SLC71A2: variants seen among roughly 807,000 people sequenced by gnomAD.
SLC71A2 encodes the protein solute carrier family 71 member 2.
At chr9:94,425,204 T>G in the SLC71A2 span, among the ~76,000 whole-genome samples, 334 of 152,140 alleles carry the variant, frequency 2.2e-3, 4 homozygotes, top group African/African-American at 7.4e-3. Flanking sequence ...CTCGGGAGGT[T>G]GAGGCAGGAG....
At chr9:94,436,698 C>T in the SLC71A2 span, among the ~76,000 whole-genome samples, 1 of 152,082 alleles carries the variant, frequency 6.6e-6, no homozygotes, top group Non-Finnish European at 1.5e-5. Context: ...AGTCCCTCCT[C>T]TTATCAGTTT....
the SLC71A2 span, among the ~76,000 whole-genome samples, chr9:94,416,604 C>G: frequency 6.6e-6 from 1 of 152,140 alleles, no homozygotes; most frequent in African/African-American, 2.4e-5. Context: ...CCTGTAATCC[C>G]AGCACTTTTG....
At chr9:94,457,312 C>G in the SLC71A2 span, among the ~76,000 whole-genome samples, 5 of 152,116 alleles carry the variant, frequency 3.3e-5, no homozygotes, top group Admixed American at 2.6e-4. Context: ...CTTTCCTTCT[C>G]TATCTCCTAA....
chr9:94,453,219 G>A, the SLC71A2 span, among the ~76,000 whole-genome samples: 48 of 146,836 alleles, frequency 3.3e-4, 1 homozygote, highest in East Asian at 6.4e-3. Flanking sequence ...GTATGATTTC[G>A]GCTCACTGCA....
chr9:94,411,096 T>C, the SLC71A2 span, among the ~76,000 whole-genome samples: 1 of 151,856 alleles, frequency 6.6e-6, no homozygotes, highest in Admixed American at 6.6e-5. Flanking sequence ...AGGACAGGTA[T>C]CCTCCAGAAT....
chr9:94,395,660 TAG>T, the SLC71A2 span, among the ~76,000 whole-genome samples: 6 of 152,308 alleles, frequency 3.9e-5, no homozygotes, highest in East Asian at 7.7e-4. Context: ...ATGCGTCCCT[TAG>T]AGAGTGAAAA....
chr9:94,402,191 C>T, the SLC71A2 span, among the ~76,000 whole-genome samples: 2 of 152,170 alleles, frequency 1.3e-5, no homozygotes, highest in Non-Finnish European at 2.9e-5. Flanking sequence ...GGGAATACAG[C>T]CCAGTAGGTT....
At chr9:94,430,221 TA>T in the SLC71A2 span, among the ~76,000 whole-genome samples, 1,544 of 136,520 alleles carry the variant, frequency 0.011, 30 homozygotes, top group African/African-American at 0.045. Flanking sequence ...TTCTTTTAAA[TA>T]ATTTTTTTTT....
At chr9:94,402,030 A>G in the SLC71A2 span, among the ~76,000 whole-genome samples, 1 of 152,312 alleles carries the variant, frequency 6.6e-6, no homozygotes, top group African/African-American at 2.4e-5. Context: ...TATAGCAGTG[A>G]CGATGACCAG....
chr9:94,436,775 C>T, the SLC71A2 span, among the ~76,000 whole-genome samples: 8 of 152,260 alleles, frequency 5.3e-5, no homozygotes, highest in Admixed American at 1.3e-4. Context: ...GTTCCTTTTT[C>T]TTTCCAATTA....
At chr9:94,398,373 C>T in the SLC71A2 span, among the ~76,000 whole-genome samples, 3 of 151,948 alleles carry the variant, frequency 2.0e-5, no homozygotes, top group South Asian at 4.2e-4. Flanking sequence ...GAAATTATCA[C>T]CAGGCCAACT....
At chr9:94,434,075 T>C in the SLC71A2 span, among the ~76,000 whole-genome samples, 11 of 152,148 alleles carry the variant, frequency 7.2e-5, no homozygotes, top group African/African-American at 2.4e-4. Flanking sequence ...CTTTTGTTGC[T>C]GTTGTTGAAG....
chr9:94,387,669 A>G, the SLC71A2 span, among the ~76,000 whole-genome samples: 2 of 152,126 alleles, frequency 1.3e-5, no homozygotes, highest in African/African-American at 2.4e-5. Flanking sequence ...TTTTTATTTG[A>G]CAGCTTAGTT....
chr9:94,400,568 GAA>G, the SLC71A2 span, among the ~76,000 whole-genome samples: 3 of 136,998 alleles, frequency 2.2e-5, no homozygotes, highest in East Asian at 4.2e-4. Context: ...GCTTCCAAAT[GAA>G]AAAAAAAAAA....
chr9:94,427,845 C>T, the SLC71A2 span, among the ~76,000 whole-genome samples: 3 of 144,594 alleles, frequency 2.1e-5, no homozygotes, highest in African/African-American at 7.8e-5. Flanking sequence ...ATGATCAGGC[C>T]GGGAGCAGTG....
chr9:94,429,796 T>C, the SLC71A2 span, among the ~76,000 whole-genome samples: 3 of 152,194 alleles, frequency 2.0e-5, 1 homozygote, highest in African/African-American at 7.2e-5. Flanking sequence ...AAGATAACTT[T>C]GCCACAAAAC....
chr9:94,458,778 G>A, the SLC71A2 span, among the ~76,000 whole-genome samples: 2 of 152,070 alleles, frequency 1.3e-5, no homozygotes, highest in African/African-American at 4.8e-5. Flanking sequence ...TTGAGGTAGG[G>A]TACTTTTTGT....
the SLC71A2 span, among the ~76,000 whole-genome samples, chr9:94,383,159 A>ATG: frequency 1.1e-5 from 1 of 91,704 alleles, no homozygotes; most frequent in African/African-American, 4.1e-5. Flanking sequence ...TAGCTTTTAC[A>ATG]TCTTTTTTTT....
At chr9:94,442,626 G>T in the SLC71A2 span, among the ~76,000 whole-genome samples, 7 of 152,114 alleles carry the variant, frequency 4.6e-5, no homozygotes, top group Non-Finnish European at 7.4e-5. Flanking sequence ...TGAGGTGGGG[G>T]CGGATCATGA....
Sources: allele counts gnomAD v4.1 joint callset (sites outside exome capture counted in the v4.1 genomes callset), GRCh38; gene constraint gnomAD v4.1.1; transcripts MANE v1.5; gene names NCBI Gene and HGNC (gene_info 2026-07-23, HGNC 2026-07-21).